Variants in FAM171A1 observed in about 807,000 individuals in gnomAD.
FAM171A1 encodes family with sequence similarity 171 member A1.
In FAM171A1, 23 loss-of-function variants were observed where a neutral mutation model predicts 74.9. The observed-to-expected ratio is 0.31, with a 90% CI of 0.22 to 0.44. The LOEUF (loss-of-function observed/expected upper bound fraction) is 0.44, where lower values mean the gene tolerates loss of function less well. Among genes scored for constraint, FAM171A1 ranks in the 20% least tolerant of loss-of-function variants. The probability of loss-of-function intolerance (pLI) is 1.00; values close to 1 mark genes in which losing one functional copy is unlikely to be tolerated. For synonymous variants in FAM171A1, 527 were observed against 505.7 expected, an observed-to-expected ratio of 1.04 and a Z score of -0.57; for missense variants, 1,162 against 1,159.2, an observed-to-expected ratio of 1.00 and a Z score of -0.03.
At position 15,214,406 on chromosome 10, in the gene FAM171A1, C is replaced by T; in HGVS notation, c.1182G>A (p.Met394Ile). 6.2e-7 allele frequency: 1 copy of T among 1,614,104 alleles called. No homozygotes were observed. The highest frequency in any genetic ancestry group is 8.5e-7 in the Non-Finnish European group (1 of 1,179,980). The change falls in exon 8 of 8, where the codon ATG becomes ATA. Residue 394 changes from methionine (M) to isoleucine (I), a missense_variant. Coordinates refer to ENST00000378116, the MANE Select transcript of FAM171A1 (RefSeq NM_001010924.2). The part of the protein sequence containing the change: ...RPEAPGTKEL[M>I]SGVHLEMMSP... The stretch of plus-strand genomic sequence containing the variant: ...ACATCATTTCCAAATGGACTCCACT[C>T]ATCAGTTCCTTCGTGCCGGGGGCCT...
At chr10:15,302,955 G>A (rs371694253) in intron 1 of FAM171A1, among the ~76,000 whole-genome samples, 14 of 152,320 alleles carry the variant, frequency 9.2e-5, no homozygotes, top group Non-Finnish European at 1.6e-4. Flanking sequence ...TTGGGAGGCC[G>A]AGGTAGGCGG....
At chr10:15,348,169 G>T (rs968643715) in intron 1 of FAM171A1, among the ~76,000 whole-genome samples, 1 of 152,046 alleles carries the variant, frequency 6.6e-6, no homozygotes, top group African/African-American at 2.4e-5. Flanking sequence ...AGTAGAGATG[G>T]GGTTTCACCA....
At chr10:15,292,871 T>C (rs941086612) in intron 1 of FAM171A1, among the ~76,000 whole-genome samples, 1 of 151,314 alleles carries the variant, frequency 6.6e-6, no homozygotes, top group Admixed American at 6.6e-5. Context: ...AAAGTAATAA[T>C]CTCCTTATAT....
At chr10:15,283,243 C>G (rs1452807355) in intron 2 of FAM171A1, among the ~76,000 whole-genome samples, 1 of 152,164 alleles carries the variant, frequency 6.6e-6, no homozygotes, top group African/African-American at 2.4e-5. Flanking sequence ...CCACAGCTTG[C>G]CCCTGCTGGG....
chr10:15,220,605 G>A (rs1041341588), intron 6 of FAM171A1, among the ~76,000 whole-genome samples: 3 of 152,018 alleles, frequency 2.0e-5, no homozygotes, highest in Admixed American at 6.6e-5. Context: ...CTACATGTGT[G>A]CCTATACCAG....
intron 6 of FAM171A1, among the ~76,000 whole-genome samples, chr10:15,218,670 C>A (rs2131708553): frequency 6.6e-6 from 1 of 152,230 alleles, no homozygotes; most frequent in East Asian, 1.9e-4. Flanking sequence ...TCATAGCTCA[C>A]TGCAGCCTTG....
intron 2 of FAM171A1, among the ~76,000 whole-genome samples, chr10:15,277,608 C>A (rs1448159658): frequency 6.6e-6 from 1 of 152,208 alleles, no homozygotes; most frequent in Non-Finnish European, 1.5e-5. Context: ...CAATATCCCA[C>A]AGCTAATAAA....
chr10:15,285,961 C>G (rs373049864), intron 1 of FAM171A1, among the ~76,000 whole-genome samples: 3 of 152,234 alleles, frequency 2.0e-5, no homozygotes, highest in African/African-American at 7.2e-5. Context: ...AGGTTCGAAT[C>G]TCAGCTCCAC....
intron 1 of FAM171A1, among the ~76,000 whole-genome samples, chr10:15,288,587 T>G (rs1458904082): frequency 6.6e-6 from 1 of 152,208 alleles, no homozygotes; most frequent in Admixed American, 6.5e-5. Flanking sequence ...CTTCACTGTT[T>G]GCTAAGAAGG....
intron 1 of FAM171A1, among the ~76,000 whole-genome samples, chr10:15,292,921 C>T (rs1455505244): frequency 6.6e-6 from 1 of 151,906 alleles, no homozygotes; most frequent in Non-Finnish European, 1.5e-5. Flanking sequence ...TTTTGATTAC[C>T]TAAAAACATT....
rs112230097 is a variant in FAM171A1 at position 15,248,742 on chromosome 10, C to T, written c.651G>A (p.Pro217=). ...CATAGATGGGACCATCCACCAGCAC[C>T]GGCGTTCCATTACTGCTCAGCAAGT... ...SVHLLSSNGT[P]VLVDGPIYVT... The change falls in exon 5 of 8, where the codon CCG becomes CCA. Residue 217 remains proline (P), a synonymous_variant. Transcript: ENST00000378116. 276 of 1,613,760 alleles carry T rather than the reference C, an allele frequency of 1.7e-4. 3 individuals carry two copies. The highest frequency in any genetic ancestry group is 1.6e-3 in the African/African-American group (122 of 75,058).
intron 1 of FAM171A1, among the ~76,000 whole-genome samples, chr10:15,362,541 G>A (rs1836006603): frequency 6.6e-6 from 1 of 152,104 alleles, no homozygotes; most frequent in Admixed American, 6.5e-5. Flanking sequence ...ATCTGAGATG[G>A]GGTGAAACCC....
intron 3 of FAM171A1, among the ~76,000 whole-genome samples, chr10:15,260,804 A>G (rs1588517782): frequency 6.6e-6 from 1 of 152,004 alleles, no homozygotes; most frequent in Non-Finnish European, 1.5e-5. Flanking sequence ...GTTTAATAGC[A>G]CCCCTGACCT....
At chr10:15,314,157 C>G (rs926888109) in intron 1 of FAM171A1, among the ~76,000 whole-genome samples, 1 of 152,164 alleles carries the variant, frequency 6.6e-6, no homozygotes, top group African/African-American at 2.4e-5. Flanking sequence ...AACCGTCACC[C>G]TACAACTGGG....
chr10:15,329,774 A>T (rs1020130872), intron 1 of FAM171A1, among the ~76,000 whole-genome samples: 1 of 152,160 alleles, frequency 6.6e-6, no homozygotes, highest in South Asian at 2.1e-4. Flanking sequence ...CTTAGAATAA[A>T]ATTGATACCA....
chr10:15,213,883 C>T lies in FAM171A1; in HGVS notation c.1705G>A (p.Val569Ile). The change falls in exon 8 of 8, where the codon GTC becomes ATC. Residue 569 changes from valine (V) to isoleucine (I), a missense_variant. By Grantham distance (29) the Val-to-Ile change is conservative (BLOSUM62 3). Transcript: ENST00000378116. The surrounding 1 kb of genome is among the most constrained non-coding windows in gnomAD (Gnocchi z 6.8). ...QLICCSSVDQ[V>I]NDSVYRKVLP... ...ACTTTCCTGTAAACGCTGTCATTGA[C>T]CTGGTCGACAGAACTGCAGCAGATT... 1 of 1,614,124 alleles carries T rather than the reference C, an allele frequency of 6.2e-7. No homozygotes were observed. The highest frequency in any genetic ancestry group is 1.3e-5 in the African/African-American group (1 of 75,032).
intron 1 of FAM171A1, among the ~76,000 whole-genome samples, chr10:15,361,012 G>C (rs1238332484): frequency 6.6e-6 from 1 of 151,908 alleles, no homozygotes; most frequent in African/African-American, 2.4e-5. Flanking sequence ...TTATTTTTTC[G>C]ATCTAAATTT....
At chr10:15,370,917 C>T in intron 1 of FAM171A1, 39 bp downstream of exon 1, 2 of 998,606 alleles carry the variant, frequency 2.0e-6, no homozygotes, top group Admixed American at 4.9e-5. Flanking sequence ...CCAGGCCCGG[C>T]GCGACACAAA....
chr10:15,235,468 C>T (rs947146720), intron 5 of FAM171A1, among the ~76,000 whole-genome samples: 9 of 152,168 alleles, frequency 5.9e-5, no homozygotes, highest in Admixed American at 2.0e-4. Flanking sequence ...GGGCTTCTTT[C>T]GAGCTTGGCA....
Sources: allele counts gnomAD v4.1 joint callset (sites outside exome capture counted in the v4.1 genomes callset), GRCh38; gene constraint gnomAD v4.1.1; non-coding constraint Gnocchi (gnomAD v3.1); transcripts MANE v1.5; gene names NCBI Gene and HGNC (gene_info 2026-07-23, HGNC 2026-07-21).